PROM1: variants seen among roughly 807,000 people sequenced by gnomAD.
The protein encoded by PROM1 is prominin 1.
Under a neutral mutation model 116.9 loss-of-function variants are expected in PROM1, and 105 were observed. The observed-to-expected ratio is 0.90, with a 90% confidence interval of 0.77 to 1.06. The LOEUF (loss-of-function observed/expected upper bound fraction) is 1.06, where lower values mean the gene tolerates loss of function less well. PROM1 is among the 50% of genes least tolerant of loss of function. PROM1 has a pLI of 0.00. For missense variants in PROM1, 1,122 were observed against 1,045.2 expected, an observed-to-expected ratio of 1.07 and a Z score of -1.01; for synonymous variants, 393 against 387.0, an observed-to-expected ratio of 1.02 and a Z score of -0.18.
chr4:16,023,330 T>TG lies in PROM1; in HGVS notation c.779dup (p.Thr261AsnfsTer28). 6.2e-7 allele frequency: 1 copy of TG among 1,600,708 alleles called. No homozygotes were observed. The highest frequency in any genetic ancestry group is 1.1e-5 in the South Asian group (1 of 88,884). On this transcript the variant is annotated frameshift_variant, in exon 8 of 28. Coordinates refer to ENST00000447510, the MANE Select transcript of PROM1 (RefSeq NM_006017.3). LOFTEE classifies it high-confidence loss of function. ...TCATTTTTGCCCACTGCTTACCTGT[T>TG]GCCATGGACTTAATCTCATCAAGAA...
In PROM1 at chr4:16,008,944, C is replaced by A. The variant is rs2149248922; in HGVS notation, c.1301+5G>T. ...GTAGTTCACCAGCTCCAAGGAGACACTCACCAGTATGAATCATACTCTTCC... is the reference window on the plus strand; with the variant it reads ...GTAGTTCACCAGCTCCAAGGAGACAATCACCAGTATGAATCATACTCTTCC... On this transcript the variant is annotated splice_donor_5th_base_variant and intron_variant, in intron 12 of 27. Transcript: ENST00000447510. 6.3e-7 allele frequency: 1 copy of A among 1,575,474 alleles called. No individual in the cohort carries two copies. The highest frequency in any genetic ancestry group is 1.1e-5 in the South Asian group (1 of 88,472).
intron 15 of PROM1, among the ~76,000 whole-genome samples, chr4:15,997,735 G>A (rs762618328): frequency 3.9e-4 from 60 of 152,164 alleles, no homozygotes; most frequent in Non-Finnish European, 7.2e-4. Context: ...AAAGTGCTGG[G>A]ATTATAGGCA....
chr4:15,994,325 C>T (rs1577903462), intron 15 of PROM1, among the ~76,000 whole-genome samples: 1 of 152,178 alleles, frequency 6.6e-6, no homozygotes, highest in African/African-American at 2.4e-5. Flanking sequence ...CCATCTGTCT[C>T]CTACATGCTC....
intron 2 of PROM1, among the ~76,000 whole-genome samples, chr4:16,065,037 A>G (rs1741200500): frequency 6.6e-6 from 1 of 152,228 alleles, no homozygotes. Flanking sequence ...CTAAGCCACT[A>G]GTGTCCAAAT....
At chr4:16,004,936 T>G (rs918940244) in intron 13 of PROM1, among the ~76,000 whole-genome samples, 12 of 81,972 alleles carry the variant, frequency 1.5e-4, no homozygotes, top group Non-Finnish European at 3.6e-4. Flanking sequence ...CCTTCCTCTT[T>G]CTTTTTTTCT....
At chr4:16,050,481 GTA>G (rs1394590896) in intron 2 of PROM1, among the ~76,000 whole-genome samples, 1 of 152,186 alleles carries the variant, frequency 6.6e-6, no homozygotes, top group East Asian at 1.9e-4. Context: ...AGCCTCCTGA[GTA>G]GCTGGGACTA....
At chr4:16,033,147 C>G (rs544027947) in intron 5 of PROM1, among the ~76,000 whole-genome samples, 157 bp downstream of exon 5, 2 of 152,108 alleles carry the variant, frequency 1.3e-5, no homozygotes, top group African/African-American at 4.8e-5. Context: ...TCGAATCACT[C>G]TAGACAAGCG....
intron 2 of PROM1, 123 bp from the exon 3 acceptor site, chr4:16,039,124 TTTA>T: frequency 1.3e-6 from 1 of 774,728 alleles, no homozygotes; most frequent in South Asian, 4.8e-5. Flanking sequence ...TTCTTATAAT[TTTA>T]TTCTTATTTC....
intron 23 of PROM1, among the ~76,000 whole-genome samples, chr4:15,983,861 C>G (rs1307259495): frequency 6.6e-6 from 1 of 152,194 alleles, no homozygotes; most frequent in Admixed American, 6.5e-5. Flanking sequence ...GCCTGACTAA[C>G]TGGAACTTAC....
intron 2 of PROM1, among the ~76,000 whole-genome samples, chr4:16,072,993 C>T (rs1038021027): frequency 6.6e-6 from 1 of 152,046 alleles, no homozygotes; most frequent in African/African-American, 2.4e-5. Context: ...CTTTCTAATC[C>T]CCTACCCACC....
chr4:16,036,524 G>C (rs949480441), intron 3 of PROM1, among the ~76,000 whole-genome samples: 1 of 152,112 alleles, frequency 6.6e-6, no homozygotes, highest in African/African-American at 2.4e-5. Context: ...TTGGGGAAGG[G>C]GCACGCAGGC....
intron 5 of PROM1, among the ~76,000 whole-genome samples, chr4:16,028,053 C>T (rs143422574): frequency 1.1e-4 from 16 of 151,658 alleles, no homozygotes; most frequent in African/African-American, 1.2e-4. Flanking sequence ...TGGTGGCACA[C>T]GCCTGTAATC....
At chr4:16,073,914 A>T (rs150186498) in intron 2 of PROM1, among the ~76,000 whole-genome samples, 1 of 152,332 alleles carries the variant, frequency 6.6e-6, no homozygotes, top group Non-Finnish European at 1.5e-5. Flanking sequence ...CTTCCAATCA[A>T]ATCTAAAGGG....
chr4:16,010,005 A>T (rs548870319), intron 11 of PROM1, among the ~76,000 whole-genome samples: 1 of 152,150 alleles, frequency 6.6e-6, no homozygotes, highest in Non-Finnish European at 1.5e-5. Flanking sequence ...AAAACAAACA[A>T]ACAAACAGAA....
chr4:16,017,167 T>C (rs1435021335), intron 9 of PROM1, among the ~76,000 whole-genome samples: 1 of 152,194 alleles, frequency 6.6e-6, no homozygotes, highest in Non-Finnish European at 1.5e-5. Context: ...ACAAAATGCA[T>C]ATTATTTTAT....
At chr4:15,989,857 C>G (rs550762397) in intron 18 of PROM1, 33 bp from the exon 19 acceptor site, 2 of 1,506,770 alleles carry the variant, frequency 1.3e-6, no homozygotes, top group African/African-American at 2.8e-5. Flanking sequence ...AGATCAATAC[C>G]ATCTTTCCAG....
intron 19 of PROM1, among the ~76,000 whole-genome samples, chr4:15,989,487 C>T (rs1423458088): frequency 6.6e-6 from 1 of 152,230 alleles, no homozygotes; most frequent in Admixed American, 6.5e-5. Flanking sequence ...GAAACTAGAG[C>T]AAGGTGGAAG....
chr4:16,005,624 TCA>T (rs1205894357), intron 13 of PROM1, among the ~76,000 whole-genome samples: 1 of 151,938 alleles, frequency 6.6e-6, no homozygotes. Context: ...GCCCGCTCAC[TCA>T]CAGCCCCGTG....
chr4:15,976,722 T>C (rs1310816835), intron 26 of PROM1, among the ~76,000 whole-genome samples: 2 of 152,216 alleles, frequency 1.3e-5, no homozygotes, highest in Non-Finnish European at 2.9e-5. Context: ...ACACCTCCCT[T>C]TCAATTGCAG....
Sources: gnomAD v4.1 joint callset for allele counts (sites outside exome capture counted in the v4.1 genomes callset) on GRCh38, gnomAD v4.1.1 for gene constraint, MANE v1.5 for transcripts, NCBI Gene and HGNC (gene_info 2026-07-23, HGNC 2026-07-21) for gene names.